Variants in SCML4 observed in about 807,000 individuals in gnomAD.
SCML4 encodes sex comb on midleg-like protein 4.
A neutral mutation model predicts 41.1 loss-of-function variants in SCML4; 34 were observed. The ratio of observed to expected loss-of-function variants is 0.83; its 90% CI spans 0.63 to 1.10. The LOEUF is 1.10. Ranked by LOEUF, SCML4 falls within the 50% of genes least tolerant of loss-of-function variation. SCML4 has a pLI of 0.00. For synonymous variants in SCML4, 214 were observed against 220.9 expected (o/e 0.97, Z 0.28); for missense variants, 522 against 534.1 (o/e 0.98, Z 0.22).
At chr6:107,772,496 AG>A (rs983770936) in intron 1 of SCML4, 110 bp from the exon 2 acceptor site, 6 of 580,788 alleles carry the variant, frequency 1.0e-5, no homozygotes, top group Non-Finnish European at 1.8e-5. Flanking sequence ...CACTTATTGG[AG>A]GGGAAGACCA....
rs1773447254 is a variant in SCML4 at position 107,704,799 on chromosome 6, T to G, written c.*401A>C. 1 of 228,296 alleles carries G rather than the reference T, an allele frequency of 4.4e-6. No homozygotes were observed. Among genetic ancestry groups the G allele is most frequent in the Non-Finnish European group, 8.5e-6 (1 of 118,238 alleles). 14.1% of individuals were successfully genotyped at this position (228,296 alleles called of 1,614,324 possible). ...TCCCCAGGTCAGAGTTAGAGGCAGA[T>G]GGTGCTGAGGGGGTTGTCCCTGCAG... On this transcript the variant is annotated 3_prime_UTR_variant, in exon 8 of 8. Transcript: ENST00000369020.
chr6:107,742,752 CAG>C (rs1191452176), intron 5 of SCML4, among the ~76,000 whole-genome samples: 1 of 151,924 alleles, frequency 6.6e-6, no homozygotes, highest in African/African-American at 2.4e-5. Context: ...CAAACAAAAG[CAG>C]AGAGAATTCA....
At chr6:107,833,500 T>C in the SCML4 span, among the ~76,000 whole-genome samples, 1 of 151,900 alleles carries the variant, frequency 6.6e-6, no homozygotes, top group Admixed American at 6.6e-5. Context: ...ACCTGAAGAG[T>C]GTCTGGACTG....
intron 5 of SCML4, among the ~76,000 whole-genome samples, chr6:107,728,022 C>A (rs974401309): frequency 5.3e-5 from 8 of 151,924 alleles, no homozygotes; most frequent in Admixed American, 5.2e-4. Flanking sequence ...GTAAGGCTGC[C>A]GTTACACAGA....
upstream of SCML4, among the ~76,000 whole-genome samples, chr6:107,825,891 C>G (rs56040558): frequency 1.5e-5 from 2 of 132,368 alleles, no homozygotes; most frequent in Non-Finnish European, 3.1e-5. Flanking sequence ...GAGCCGATAC[C>G]GTGCCACTGC....
At chr6:107,819,404 T>C (rs1348796306) in intron 1 of SCML4, among the ~76,000 whole-genome samples, 1 of 152,114 alleles carries the variant, frequency 6.6e-6, no homozygotes, top group Non-Finnish European at 1.5e-5. Context: ...CAAAGTTGAG[T>C]CACCATCGCG....
chr6:107,778,212 AAAAAAAAAAAATATATATATATATATAT>A (rs1218077080), intron 1 of SCML4, among the ~76,000 whole-genome samples: 18 of 7,334 alleles, frequency 2.5e-3, no homozygotes, highest in African/African-American at 4.9e-3. Context: ...AAAAAAAAAA[AAAAAAAAAAAATATATATATATATATAT>A]ATATATATAT....
chr6:107,828,549 T>C (rs1785318091), upstream of SCML4, among the ~76,000 whole-genome samples: 1 of 152,186 alleles, frequency 6.6e-6, no homozygotes, highest in South Asian at 2.1e-4. Context: ...GATATCAATT[T>C]GGAGCAAAGG....
At chr6:107,712,076 G>A (rs1440773684) in intron 6 of SCML4, among the ~76,000 whole-genome samples, 1 of 151,846 alleles carries the variant, frequency 6.6e-6, no homozygotes, top group East Asian at 1.9e-4. Flanking sequence ...GGAGCCATCT[G>A]AATGCCGATC....
chr6:107,735,882 C>T (rs960752012), intron 5 of SCML4, among the ~76,000 whole-genome samples: 2 of 152,090 alleles, frequency 1.3e-5, no homozygotes, highest in African/African-American at 4.8e-5. Flanking sequence ...TGTTGCATAA[C>T]CATCATCAGC....
At position 107,730,649 on chromosome 6, in the gene SCML4, G is replaced by A. The variant is rs953812305; in HGVS notation, c.683-9656C>T. On this transcript the variant is annotated intron_variant, in intron 5 of 7. Coordinates refer to ENST00000369020, the MANE Select transcript of SCML4 (RefSeq NM_198081.5). ...CTTAAATAGAAAGGAAAACACACAC[G>A]TGGCCCCATCAAAGAAATCTGCCAC... Among the ~76,000 whole-genome samples the A allele has an allele frequency of 3.9e-5, 6 of 152,306 alleles. No individual in the cohort carries two copies. The East Asian group carries it at 1.2e-3, about 29-fold the overall frequency.
chr6:107,718,092 G>A (rs546840039), intron 6 of SCML4, among the ~76,000 whole-genome samples: 5 of 152,296 alleles, frequency 3.3e-5, no homozygotes, highest in African/African-American at 1.2e-4. Flanking sequence ...CAGTCGTCTG[G>A]CAAGATTACT....
At chr6:107,795,404 A>G (rs1371325404) in intron 1 of SCML4, among the ~76,000 whole-genome samples, 9 of 152,136 alleles carry the variant, frequency 5.9e-5, no homozygotes, top group Non-Finnish European at 1.3e-4. Context: ...TTGCAGTATA[A>G]TTTACCTACA....
chr6:107,799,973 T>C (rs1253545115), intron 1 of SCML4, among the ~76,000 whole-genome samples: 1 of 152,068 alleles, frequency 6.6e-6, no homozygotes, highest in Non-Finnish European at 1.5e-5. Context: ...TCCTTTTTTT[T>C]TTTTTCTAGT....
chr6:107,802,701 C>T (rs1172490034), intron 1 of SCML4, among the ~76,000 whole-genome samples: 3 of 142,914 alleles, frequency 2.1e-5, no homozygotes, highest in Admixed American at 6.8e-5. Context: ...CCTCCTCTCC[C>T]TCTCCCTCCT....
At chr6:107,838,570 C>G in the SCML4 span, among the ~76,000 whole-genome samples, 7,108 of 152,188 alleles carry the variant, frequency 0.047, 520 homozygotes, top group African/African-American at 0.16. Flanking sequence ...GTGACTCATT[C>G]TAGAGTAACG....
chr6:107,730,412 A>G (rs1776424415), intron 5 of SCML4, among the ~76,000 whole-genome samples: 1 of 152,172 alleles, frequency 6.6e-6, no homozygotes, highest in Non-Finnish European at 1.5e-5. Flanking sequence ...GGCACTGCTC[A>G]TCAACAAGAG....
chr6:107,792,799 C>T (rs991608408), intron 1 of SCML4, among the ~76,000 whole-genome samples: 4 of 151,788 alleles, frequency 2.6e-5, no homozygotes, highest in Non-Finnish European at 5.9e-5. Flanking sequence ...GACAGGAAAG[C>T]CTTGCTATTT....
chr6:107,839,409 G>C, the SCML4 span, among the ~76,000 whole-genome samples: 2 of 144,662 alleles, frequency 1.4e-5, no homozygotes, highest in African/African-American at 2.8e-5. Flanking sequence ...AAGAAAGAAA[G>C]AGGAAGAAGA....
Sources: allele counts gnomAD v4.1 joint callset (sites outside exome capture counted in the v4.1 genomes callset), GRCh38; gene constraint gnomAD v4.1.1; transcripts MANE v1.5; gene names NCBI Gene and HGNC (gene_info 2026-07-23, HGNC 2026-07-21).